FOCAD: variants seen among roughly 807,000 people sequenced by gnomAD.
The protein encoded by FOCAD is KIAA1797.
FOCAD carries 198 observed loss-of-function variants against 225.6 expected under a neutral mutation model. The observed-to-expected ratio is 0.88, with a 90% CI of 0.78 to 0.99. The LOEUF (loss-of-function observed/expected upper bound fraction) is 0.99. FOCAD is among the 50% of genes least tolerant of loss of function. The pLI is 0.00. For synonymous variants in FOCAD, 897 were observed against 755.0 expected, an observed-to-expected ratio of 1.19 and a Z score of -3.08; for missense variants, 2,713 against 2,123.6, an observed-to-expected ratio of 1.28 and a Z score of -5.46.
At chr9:20,675,533 G>C (rs1450120780) in intron 2 of FOCAD, among the ~76,000 whole-genome samples, 3 of 152,162 alleles carry the variant, frequency 2.0e-5, no homozygotes, top group Non-Finnish European at 4.4e-5. Context: ...GGAGACAATG[G>C]TCAGAAAATG....
intron 4 of FOCAD, among the ~76,000 whole-genome samples, chr9:20,729,786 G>A (rs1471750630): frequency 1.3e-5 from 2 of 152,062 alleles, no homozygotes. Context: ...ACATAATTGT[G>A]CTTAAATACA....
At chr9:20,992,785 CTG>C (rs1486759249) in intron 42 of FOCAD, among the ~76,000 whole-genome samples, 1 of 152,090 alleles carries the variant, frequency 6.6e-6, no homozygotes, top group Non-Finnish European at 1.5e-5. Context: ...TGGTAAAACC[CTG>C]TCTCTACTAA....
rs61087340 is a variant in FOCAD at position 20,983,018 on chromosome 9, C to T, written c.4728+572C>T. On this transcript the variant is annotated intron_variant, in intron 39 of 43. Coordinates refer to ENST00000338382, the MANE Select transcript of FOCAD (RefSeq NM_001375567.1). ...GAGCTCCCTTATAGCTGGTGGACTT[C>T]GTGTCATTTATTTTACTTTATGGCA... 9.5e-3 allele frequency among the ~76,000 whole-genome samples: 1,444 copies of T among 152,260 alleles called. 21 individuals carry two copies. Among genetic ancestry groups the T allele is most frequent in the African/African-American group, 0.031 (1,288 of 41,542 alleles).
chr9:20,958,893 T>C (rs995861439), intron 35 of FOCAD, among the ~76,000 whole-genome samples: 1 of 152,194 alleles, frequency 6.6e-6, no homozygotes, highest in Non-Finnish European at 1.5e-5. Flanking sequence ...GGCTTAATAG[T>C]ATTCCATTGT....
chr9:20,702,898 C>A (rs1824078558), intron 1 of FOCAD, among the ~76,000 whole-genome samples: 1 of 152,002 alleles, frequency 6.6e-6, no homozygotes, highest in Non-Finnish European at 1.5e-5. Flanking sequence ...TGCATTTATT[C>A]AGTTAATCTT....
rs149699069 is a variant in FOCAD, at chr9:20,995,753, A to G, written c.*124A>G. On this transcript the variant is annotated 3_prime_UTR_variant, in exon 44 of 44. Coordinates refer to ENST00000338382, the MANE Select transcript of FOCAD (RefSeq NM_001375567.1). ...GATGCAGAGAGTTAAGGGTCATGAA[A>G]AGATGGCCACATCACTGACAGCTTG... The G allele has an allele frequency of 3.8e-6, 3 of 795,044 alleles. No individual in the cohort carries two copies. Among genetic ancestry groups the G allele is most frequent in the African/African-American group, 3.5e-5 (2 of 57,928 alleles). The allele number at this position is 795,044 out of a possible 1,614,324, so 49.2% of individuals were successfully genotyped here. A position where few individuals can be genotyped will look rare whatever the true frequency, so the allele number is the denominator to read the frequency against.
intron 31 of FOCAD, among the ~76,000 whole-genome samples, 167 bp from the exon 32 acceptor site, chr9:20,948,684 A>G (rs1437641949): frequency 6.6e-6 from 1 of 152,166 alleles, no homozygotes; most frequent in Non-Finnish European, 1.5e-5. Flanking sequence ...TTAATCTGTT[A>G]CTTTATTTTA....
At chr9:20,988,748 A>G (rs1046111427) in intron 41 of FOCAD, among the ~76,000 whole-genome samples, 7 of 152,110 alleles carry the variant, frequency 4.6e-5, no homozygotes, top group Non-Finnish European at 8.8e-5. Context: ...ACAGAACACA[A>G]AGGACACTTG....
chr9:20,948,796 A>G lies in FOCAD; in HGVS notation c.3799-55A>G, dbSNP rs62558285. On this transcript the variant is annotated intron_variant, in intron 31 of 43. Coordinates refer to ENST00000338382, the MANE Select transcript of FOCAD (RefSeq NM_001375567.1). ...CTCCGTGTCCTCAGAAGTTTTATAGAATCTAAACCCAAGGACTGATTCCCT... is the reference window on the plus strand; with the variant it reads ...CTCCGTGTCCTCAGAAGTTTTATAGGATCTAAACCCAAGGACTGATTCCCT... The G allele has an allele frequency of 0.07, 110,700 of 1,583,382 alleles. 4,393 individuals are homozygous for G. Among genetic ancestry groups the G allele is most frequent in the South Asian group, 0.13 (11,397 of 89,658 alleles).
intron 21 of FOCAD, among the ~76,000 whole-genome samples, 176 bp from the exon 22 acceptor site, chr9:20,906,974 C>G (rs1249332744): frequency 6.6e-6 from 1 of 152,078 alleles, no homozygotes; most frequent in Non-Finnish European, 1.5e-5. Flanking sequence ...AGACTCTAAA[C>G]TCTTCTCCTT....
At chr9:20,805,853 G>A (rs1170982167) in intron 11 of FOCAD, among the ~76,000 whole-genome samples, 1 of 152,168 alleles carries the variant, frequency 6.6e-6, no homozygotes, top group East Asian at 1.9e-4. Flanking sequence ...TTGTAAAATA[G>A]GAGATAGAAA....
intron 1 of FOCAD, among the ~76,000 whole-genome samples, chr9:20,709,474 C>T (rs1007101594): frequency 7.0e-6 from 1 of 143,180 alleles, no homozygotes; most frequent in Non-Finnish European, 1.5e-5. Flanking sequence ...GCTCTCCAGA[C>T]TGGGTGACAA....
intron 6 of FOCAD, among the ~76,000 whole-genome samples, chr9:20,763,081 TATCTA>T (rs1179494712): frequency 6.6e-6 from 1 of 152,232 alleles, no homozygotes; most frequent in African/African-American, 2.4e-5. Flanking sequence ...CTTTGTATCT[TATCTA>T]ATCATTCCTT....
chr9:20,959,134 C>T (rs1838469037), intron 35 of FOCAD, among the ~76,000 whole-genome samples: 1 of 152,102 alleles, frequency 6.6e-6, no homozygotes, highest in African/African-American at 2.4e-5. Context: ...AGTGGGTATA[C>T]TAGTTTACAT....
intron 6 of FOCAD, among the ~76,000 whole-genome samples, chr9:20,760,428 C>G (rs1165826670): frequency 6.6e-6 from 1 of 152,210 alleles, no homozygotes; most frequent in Non-Finnish European, 1.5e-5. Flanking sequence ...ATCTCACCAG[C>G]TTTATCTTTT....
intron 15 of FOCAD, among the ~76,000 whole-genome samples, chr9:20,848,238 C>T (rs1045077408): frequency 3.3e-5 from 5 of 151,968 alleles, no homozygotes; most frequent in South Asian, 2.1e-4. Flanking sequence ...ACAAAATGGG[C>T]ATGATTTGAC....
intron 4 of FOCAD, 123 bp downstream of exon 4, chr9:20,720,657 T>C: frequency 1.1e-6 from 1 of 899,942 alleles, no homozygotes; most frequent in Non-Finnish European, 1.7e-6. Flanking sequence ...TCTTAAAATG[T>C]CATGAGTTGC....
At chr9:20,885,367 C>A in intron 21 of FOCAD, 137 bp downstream of exon 21, 2 of 794,384 alleles carry the variant, frequency 2.5e-6, no homozygotes, top group Non-Finnish European at 3.5e-6. Context: ...AAATAGTTGA[C>A]CCAACTGAAT....
At chr9:20,987,857 A>G (rs963814389) in intron 40 of FOCAD, among the ~76,000 whole-genome samples, 2 of 152,190 alleles carry the variant, frequency 1.3e-5, no homozygotes, top group Admixed American at 1.3e-4. Context: ...AAAAGTCAAT[A>G]TTGCTGCTAA....
Sources: allele counts gnomAD v4.1 joint callset (sites outside exome capture counted in the v4.1 genomes callset), GRCh38; gene constraint gnomAD v4.1.1; transcripts MANE v1.5; gene names NCBI Gene and HGNC (gene_info 2026-07-23, HGNC 2026-07-21).